Variants in ZCCHC17 observed in about 807,000 individuals in gnomAD.
The protein encoded by ZCCHC17 is zinc finger CCHC domain-containing protein 17.
In ZCCHC17, 18 loss-of-function variants were observed where a neutral mutation model predicts 30.6. The ratio of observed to expected loss-of-function variants is 0.59; its 90% CI spans 0.41 to 0.87. The LOEUF (loss-of-function observed/expected upper bound fraction) is 0.87. Ranked by LOEUF, ZCCHC17 falls within the 40% of genes least tolerant of loss-of-function variation. The pLI, the probability that ZCCHC17 is intolerant of heterozygous loss-of-function variation, is 0.00. For missense variants in ZCCHC17, 263 were observed against 284.2 expected (o/e 0.93, Z 0.54); for synonymous variants, 88 against 92.4 (o/e 0.95, Z 0.27).
intron 3 of ZCCHC17, among the ~76,000 whole-genome samples, chr1:31,325,272 G>C (rs993483985): frequency 5.3e-5 from 8 of 152,220 alleles, no homozygotes; most frequent in African/African-American, 1.9e-4. Context: ...TCTTTGCCTT[G>C]CTTACCCTCC....
At chr1:31,359,952 C>A (rs1475529628) in intron 7 of ZCCHC17, among the ~76,000 whole-genome samples, 10 of 152,188 alleles carry the variant, frequency 6.6e-5, no homozygotes, top group African/African-American at 2.4e-4. Flanking sequence ...TTCCCCCACC[C>A]CAACTCCCAA....
intron 3 of ZCCHC17, among the ~76,000 whole-genome samples, chr1:31,323,730 A>G (rs1646916965): frequency 6.6e-6 from 1 of 152,320 alleles, no homozygotes; most frequent in Admixed American, 6.5e-5. Context: ...AATGATTTAA[A>G]ACACTCCTAA....
chr1:31,316,082 G>GATTTATTT (rs934539816), intron 2 of ZCCHC17, among the ~76,000 whole-genome samples: 9 of 152,096 alleles, frequency 5.9e-5, no homozygotes, highest in Admixed American at 1.3e-4. Flanking sequence ...CTAACTTCCA[G>GATTTATTT]ATTTATTTAT....
chr1:31,352,982 A>G (rs1266092869), intron 7 of ZCCHC17, among the ~76,000 whole-genome samples: 1 of 152,172 alleles, frequency 6.6e-6, no homozygotes, highest in Non-Finnish European at 1.5e-5. Flanking sequence ...GTTCCCATCA[A>G]TAATGCACAA....
intron 5 of ZCCHC17, 79 bp from the exon 6 acceptor site, chr1:31,346,561 C>A: frequency 6.9e-7 from 1 of 1,450,462 alleles, no homozygotes; most frequent in African/African-American, 1.4e-5. Context: ...AAACAAAAAA[C>A]CAACATACAA....
At chr1:31,338,826 A>G (rs563015552) in intron 4 of ZCCHC17, 131 bp from the exon 5 acceptor site, 146 of 583,366 alleles carry the variant, frequency 2.5e-4, no homozygotes, top group South Asian at 4.0e-4. Context: ...TGTATCTGCA[A>G]TGTTCCTAGC....
chr1:31,337,294 C>T lies in ZCCHC17; in HGVS notation c.225+19C>T, dbSNP rs767051108. On this transcript the variant is annotated intron_variant, in intron 4 of 7. Transcript: ENST00000344147. ...CCGAGAGGTAAAGTTCTGTGCGGCT[C>T]CCTTGTGGTTAGAAAGGATTAGGAA... is the stretch of plus-strand genomic sequence containing the variant. 1 of 1,605,214 alleles carries T rather than the reference C, an allele frequency of 6.2e-7. No homozygotes were observed. Among genetic ancestry groups the T allele is most frequent in the Non-Finnish European group, 8.5e-7 (1 of 1,172,424 alleles).
chr1:31,297,661 A>G (rs141789132), intron 1 of ZCCHC17, among the ~76,000 whole-genome samples: 10 of 152,302 alleles, frequency 6.6e-5, no homozygotes, highest in African/African-American at 1.9e-4. Context: ...ACGTTAAACA[A>G]TGACCTCACT....
At chr1:31,305,111 G>A (rs183617598) in intron 1 of ZCCHC17, among the ~76,000 whole-genome samples, 1 of 152,202 alleles carries the variant, frequency 6.6e-6, no homozygotes, top group Admixed American at 6.5e-5. Flanking sequence ...CTGAGGAGAG[G>A]CTTCTACCCA....
At chr1:31,317,337 A>C (rs1646761457) in intron 2 of ZCCHC17, among the ~76,000 whole-genome samples, 1 of 152,088 alleles carries the variant, frequency 6.6e-6, no homozygotes, top group South Asian at 2.1e-4. Flanking sequence ...CCTAACTCTC[A>C]AGTAGTTGTG....
chr1:31,363,773 C>A (rs1023025877), intron 7 of ZCCHC17, among the ~76,000 whole-genome samples: 2 of 152,092 alleles, frequency 1.3e-5, no homozygotes, highest in Non-Finnish European at 2.9e-5. Context: ...GGCAACAGAG[C>A]GAGACTGTCT....
At chr1:31,351,043 C>T (rs1329482719) in intron 7 of ZCCHC17, among the ~76,000 whole-genome samples, 3 of 152,158 alleles carry the variant, frequency 2.0e-5, no homozygotes, top group Non-Finnish European at 1.5e-5. Context: ...TTATGACAGC[C>T]CTAATTATCT....
rs191400922 is a variant in ZCCHC17 at position 31,328,035 on chromosome 1, G to C, written c.124+8869G>C. ...AGGAAAGAAAACGTAATCCTGTCCT[G>C]TGGTTGCTAAGATCTACCCTAAGAA... is the stretch of plus-strand genomic sequence containing the variant. On this transcript the variant is annotated intron_variant, in intron 3 of 7. Transcript: ENST00000344147. 2.4e-4 allele frequency among the ~76,000 whole-genome samples: 37 copies of C among 152,276 alleles called. 1 individual carries two copies. The highest frequency in any genetic ancestry group is 3.8e-4 in the Non-Finnish European group (26 of 68,028).
At chr1:31,304,172 TCCAAA>T (rs982941414) in intron 1 of ZCCHC17, among the ~76,000 whole-genome samples, 1 of 152,246 alleles carries the variant, frequency 6.6e-6, no homozygotes, top group African/African-American at 2.4e-5. Context: ...GCAAGGCAAC[TCCAAA>T]TGGTGTACCT....
intron 1 of ZCCHC17, among the ~76,000 whole-genome samples, chr1:31,303,271 G>A (rs1282207863): frequency 6.6e-6 from 1 of 152,118 alleles, no homozygotes; most frequent in African/African-American, 2.4e-5. Context: ...AACAGAGTGA[G>A]ACCCTGCCTC....
chr1:31,309,772 C>T (rs757347851), intron 1 of ZCCHC17, among the ~76,000 whole-genome samples: 3 of 151,754 alleles, frequency 2.0e-5, no homozygotes, highest in Admixed American at 6.6e-5. Context: ...AATTCTTCCC[C>T]GGCAAAAAAA....
intron 6 of ZCCHC17, among the ~76,000 whole-genome samples, chr1:31,348,082 A>G (rs1386028182): frequency 2.0e-5 from 3 of 152,200 alleles, no homozygotes; most frequent in Non-Finnish European, 4.4e-5. Context: ...TCCAACAGGC[A>G]TTACATAAAG....
At chr1:31,336,704 A>G (rs1569861420) in intron 3 of ZCCHC17, among the ~76,000 whole-genome samples, 1 of 147,240 alleles carries the variant, frequency 6.8e-6, no homozygotes, top group East Asian at 2.1e-4. Flanking sequence ...TCACTCTGTC[A>G]CCTGGGCTGG....
At chr1:31,311,748 T>C (rs1244105781) in intron 2 of ZCCHC17, among the ~76,000 whole-genome samples, 2 of 152,230 alleles carry the variant, frequency 1.3e-5, no homozygotes, top group Non-Finnish European at 2.9e-5. Context: ...CACCTCTTGA[T>C]ACCATTGAAT....
Sources: allele counts gnomAD v4.1 joint callset (sites outside exome capture counted in the v4.1 genomes callset), GRCh38; gene constraint gnomAD v4.1.1; transcripts MANE v1.5; gene names NCBI Gene and HGNC (gene_info 2026-07-23, HGNC 2026-07-21).